The following UGGT2 variants were observed in gnomAD, a reference collection of about 807,000 sequenced individuals.
The protein encoded by UGGT2 is UDP-glucose:glycoprotein glucosyltransferase 2.
A neutral mutation model predicts 192.1 loss-of-function variants in UGGT2; 180 were observed. The ratio of observed to expected loss-of-function variants is 0.94; its 90% CI spans 0.83 to 1.06. UGGT2 has a LOEUF of 1.06. Among genes scored for constraint, UGGT2 ranks in the 50% least tolerant of loss-of-function variants. UGGT2 has a pLI of 0.00. For missense variants in UGGT2, 1,849 were observed against 1,795.7 expected, an observed-to-expected ratio of 1.03 and a Z score of -0.54; for synonymous variants, 580 against 591.0, an observed-to-expected ratio of 0.98 and a Z score of 0.27.
At chr13:95,837,318 C>A (rs781063234) in intron 36 of UGGT2, 116 bp from the exon 37 acceptor site, 3 of 719,904 alleles carry the variant, frequency 4.2e-6, no homozygotes, top group Non-Finnish European at 7.3e-6. Flanking sequence ...ATATGCAAAT[C>A]TGAGATTTCT....
At chr13:95,910,052 G>A (rs936380220) in intron 20 of UGGT2, among the ~76,000 whole-genome samples, 1 of 152,104 alleles carries the variant, frequency 6.6e-6, no homozygotes, top group Non-Finnish European at 1.5e-5. Flanking sequence ...GAGAGATTCT[G>A]TCACCACGAG....
At chr13:95,801,871 T>C (rs1884073351) in intron 38 of UGGT2, 59 bp from the exon 39 acceptor site, 1 of 1,596,078 alleles carries the variant, frequency 6.3e-7, no homozygotes. Flanking sequence ...ATATCTTAAA[T>C]ATTACTTACA....
In UGGT2 at chr13:95,905,409, G is replaced by C. The variant is rs1156971333; in HGVS notation, c.2296-2349C>G. On this transcript the variant is annotated intron_variant, in intron 20 of 38. Transcript: ENST00000376747. ...TGAATGGTAATGCCTAGGTTTTCTT[G>C]TAGGGTTTTTATGGTTTTAGGTCTA... Among the ~76,000 whole-genome samples, 126 of 151,734 alleles carry C rather than the reference G, an allele frequency of 8.3e-4. 1 individual carries two copies. The highest frequency in any genetic ancestry group is 3.4e-3 in the Middle Eastern group (1 of 294).
chr13:95,892,918 C>T (rs1344106793), intron 24 of UGGT2, among the ~76,000 whole-genome samples: 4 of 152,120 alleles, frequency 2.6e-5, no homozygotes, highest in African/African-American at 9.7e-5. Flanking sequence ...TCTCACACAA[C>T]TTACATTCAA....
At chr13:96,042,122 C>G (rs896316395) in intron 1 of UGGT2, among the ~76,000 whole-genome samples, 9 of 152,170 alleles carry the variant, frequency 5.9e-5, no homozygotes, top group African/African-American at 1.7e-4. Flanking sequence ...GAGTCCATTT[C>G]ACCCCCCTGC....
At chr13:96,045,579 A>C (rs1295757449) in intron 1 of UGGT2, among the ~76,000 whole-genome samples, 1 of 152,188 alleles carries the variant, frequency 6.6e-6, no homozygotes, top group Non-Finnish European at 1.5e-5. Context: ...TTATATACCT[A>C]GAAAACCCCA....
intron 7 of UGGT2, among the ~76,000 whole-genome samples, chr13:95,994,394 C>T (rs996558220): frequency 7.3e-5 from 11 of 151,548 alleles, no homozygotes; most frequent in African/African-American, 2.4e-4. Context: ...TAAATATTAG[C>T]TAACATTATT....
In UGGT2 at chr13:96,023,657, T is replaced by C; in HGVS notation, c.344A>G (p.Tyr115Cys). 1.2e-6 allele frequency: 2 copies of C among 1,610,352 alleles called. No homozygotes were observed. Among genetic ancestry groups the C allele is most frequent in the Non-Finnish European group, 8.5e-7 (1 of 1,177,646 alleles). Reference protein sequence around the residue: ...LLKFAFSIRAYSPAIQMFQQI... With the variant: ...LLKFAFSIRACSPAIQMFQQI... Reference sequence around the variant, plus strand: ...CTGAAACATCTGAATAGCTGGGGAGTATGCCCTTATAGAGAAAGCAAACTT... The same window carrying C: ...CTGAAACATCTGAATAGCTGGGGAGCATGCCCTTATAGAGAAAGCAAACTT... The change falls in exon 3 of 39, where the codon TAC becomes TGC. Residue 115 changes from tyrosine (Y) to cysteine (C), a missense_variant. Transcript: ENST00000376747.
rs199834617 is a variant in UGGT2, at chr13:95,890,935, T to A, written c.2885A>T (p.Asp962Val). 1 of 1,612,528 alleles carries A rather than the reference T, an allele frequency of 6.2e-7. No homozygotes were observed. The highest frequency in any genetic ancestry group is 1.1e-5 in the South Asian group (1 of 90,882). Residue 962 changes from aspartate to valine, a missense_variant, in exon 25 of 39, where the codon GAT (aspartate) becomes GTT (valine). By Grantham distance (152) the Asp-to-Val change is radical (BLOSUM62 -3). Transcript: ENST00000376747. Reference protein sequence around the residue: ...SVIKTNPQENDMFFNVIAIVD... With the variant: ...SVIKTNPQENVMFFNVIAIVD... The stretch of plus-strand genomic sequence containing the variant: ...AATAGCAATGACATTGAAGAACATA[T>A]CATTCTCTTGAGGATTCGTCTTTAT...
At chr13:95,915,744 A>T (rs1013363633) in intron 20 of UGGT2, among the ~76,000 whole-genome samples, 2 of 152,186 alleles carry the variant, frequency 1.3e-5, no homozygotes, top group Non-Finnish European at 2.9e-5. Context: ...CAGACAAGGA[A>T]GGTTCCCCCA....
At chr13:95,815,729 G>C (rs1245016077) in intron 38 of UGGT2, among the ~76,000 whole-genome samples, 1 of 152,058 alleles carries the variant, frequency 6.6e-6, no homozygotes, top group Non-Finnish European at 1.5e-5. Context: ...CAAAAATCTT[G>C]AATAGGCACT....
At chr13:95,958,801 G>A (rs1423296206) in intron 12 of UGGT2, among the ~76,000 whole-genome samples, 1 of 152,180 alleles carries the variant, frequency 6.6e-6, no homozygotes, top group Non-Finnish European at 1.5e-5. Flanking sequence ...AGACTGCTAG[G>A]CTGGGATTGG....
At chr13:96,004,036 C>T (rs962551093) in intron 5 of UGGT2, among the ~76,000 whole-genome samples, 5 of 152,068 alleles carry the variant, frequency 3.3e-5, no homozygotes, top group African/African-American at 1.2e-4. Context: ...TTTTCATCCT[C>T]TACAATCATA....
At chr13:95,887,095 A>G (rs2047666285) in intron 26 of UGGT2, among the ~76,000 whole-genome samples, 1 of 152,196 alleles carries the variant, frequency 6.6e-6, no homozygotes, top group Non-Finnish European at 1.5e-5. Context: ...TCAAGGCAAC[A>G]TCTATAGTAT....
intron 16 of UGGT2, among the ~76,000 whole-genome samples, chr13:95,938,973 G>GA (rs35968848): frequency 0.39 from 58,505 of 151,600 alleles, 11,706 homozygotes; most frequent in Middle Eastern, 0.46. Flanking sequence ...ATGCTCTTTA[G>GA]AAAAAAAATG....
Position 95,856,172 on chromosome 13 carries a change from C to T in UGGT2, c.3994G>A (p.Val1332Ile). Residue 1332 changes from valine (V) to isoleucine (I), a missense_variant, in exon 34 of 39, where the codon GTT becomes ATT. Val to Ile is a conservative substitution (Grantham distance 29, BLOSUM62 3). Transcript: ENST00000376747. ...FPLAVDKIIF[V>I]DADQIVRHDL... ...AACCTTATTACCTGGTCAGCATCAA[C>T]AAAAATGATTTTGTCCACTGCTAGT... The T allele has an allele frequency of 1.2e-6, 2 of 1,610,662 alleles. No homozygotes were observed. The highest frequency in any genetic ancestry group is 1.7e-6 in the Non-Finnish European group (2 of 1,178,984).
intron 38 of UGGT2, chr13:95,809,667 C>G (rs935395463): frequency 5.3e-6 from 1 of 190,318 alleles, no homozygotes. Context: ...TTTCCGCAGC[C>G]TCAGCACACT....
intron 1 of UGGT2, among the ~76,000 whole-genome samples, chr13:96,033,026 C>T (rs143007201): frequency 3.3e-5 from 5 of 152,326 alleles, no homozygotes; most frequent in African/African-American, 1.2e-4. Context: ...AGAATCTGTA[C>T]ATCTAACTAA....
At chr13:95,887,747 G>A (rs574287172) in intron 26 of UGGT2, 145 bp downstream of exon 26, 3 of 573,816 alleles carry the variant, frequency 5.2e-6, no homozygotes, top group African/African-American at 3.8e-5. Context: ...GTCAGTTAAG[G>A]TTAGTAAATA....
Sources: allele counts gnomAD v4.1 joint callset (sites outside exome capture counted in the v4.1 genomes callset), GRCh38; gene constraint gnomAD v4.1.1; transcripts MANE v1.5; gene names NCBI Gene and HGNC (gene_info 2026-07-23, HGNC 2026-07-21).